The following MNAT1 variants were observed in gnomAD, a reference collection of about 807,000 sequenced individuals.
MNAT1 encodes CDK-activating kinase assembly factor MAT1.
MNAT1 carries 43 observed loss-of-function variants against 42.0 expected under a neutral mutation model. That is an observed-to-expected ratio of 1.02 (90% CI 0.80 to 1.32). MNAT1 has a LOEUF of 1.32. MNAT1 is among the 40% of genes most tolerant of loss of function. The pLI is 0.00. For synonymous variants in MNAT1, 118 were observed against 120.0 expected (o/e 0.98, Z 0.11); for missense variants, 306 against 350.4 (o/e 0.87, Z 1.01).
intron 7 of MNAT1, among the ~76,000 whole-genome samples, chr14:60,921,575 A>T (rs918620035): frequency 3.3e-5 from 5 of 152,166 alleles, no homozygotes; most frequent in Non-Finnish European, 7.4e-5. Flanking sequence ...TAAGTTAGGA[A>T]GCCACTGTTA....
intron 7 of MNAT1, among the ~76,000 whole-genome samples, chr14:60,908,968 A>C (rs988390604): frequency 6.6e-6 from 1 of 152,148 alleles, no homozygotes; most frequent in African/African-American, 2.4e-5. Context: ...ATTTCTCCAT[A>C]TCCTCTCCAG....
intron 1 of MNAT1, among the ~76,000 whole-genome samples, chr14:60,770,849 T>C (rs970183367): frequency 6.6e-6 from 1 of 152,250 alleles, no homozygotes; most frequent in Non-Finnish European, 1.5e-5. Flanking sequence ...ATATTCACAA[T>C]GTTAATGCAC....
chr14:60,938,098 G>A (rs1452292581), intron 7 of MNAT1, among the ~76,000 whole-genome samples: 1 of 152,204 alleles, frequency 6.6e-6, no homozygotes, highest in African/African-American at 2.4e-5. Context: ...CTTTGCTGAA[G>A]TTGCCTATCA....
At position 60,799,737 on chromosome 14, in the gene MNAT1, A is replaced by ATG. The variant is rs147905766; in HGVS notation, c.316+1593_316+1594dup. ...ATATACACACACACACTGCATATAT[A>ATG]TGTGTGTGTGTGTGTGTTGCTCCAA... On this transcript the variant is annotated intron_variant, in intron 3 of 7. Transcript: ENST00000261245. Among the ~76,000 whole-genome samples, 880 of 150,310 alleles carry ATG rather than the reference A, an allele frequency of 5.9e-3. 6 individuals are homozygous for ATG. Among genetic ancestry groups the ATG allele is most frequent in the South Asian group, 0.033 (156 of 4,764 alleles).
intron 7 of MNAT1, among the ~76,000 whole-genome samples, chr14:60,961,753 T>C (rs2036597113): frequency 6.6e-6 from 1 of 152,190 alleles, no homozygotes; most frequent in African/African-American, 2.4e-5. Context: ...ATTTTTTTTT[T>C]GAGAATGAAT....
At chr14:60,938,939 C>T (rs2036072276) in intron 7 of MNAT1, among the ~76,000 whole-genome samples, 1 of 152,176 alleles carries the variant, frequency 6.6e-6, no homozygotes, top group African/African-American at 2.4e-5. Flanking sequence ...AGAGATTCAA[C>T]TTCTTCCTGG....
At chr14:60,801,319 C>T (rs2032195336) in intron 3 of MNAT1, among the ~76,000 whole-genome samples, 1 of 151,740 alleles carries the variant, frequency 6.6e-6, no homozygotes, top group South Asian at 2.1e-4. Flanking sequence ...GGCCTTAGTA[C>T]CATAGACAAC....
chr14:60,818,396 A>G lies in MNAT1; in HGVS notation c.562-326A>G, dbSNP rs1440609122. On this transcript the variant is annotated intron_variant, in intron 5 of 7. Transcript: ENST00000261245. The stretch of plus-strand genomic sequence containing the variant: ...AGAATGCGTCTTAGATAAACATCTG[A>G]TCTAAGTTATAGTACTTTGTACTAC... Among the ~76,000 whole-genome samples the G allele has an allele frequency of 3.9e-5, 6 of 152,170 alleles. No homozygotes were observed. The East Asian group carries it at 9.6e-4, about 24-fold the overall frequency.
chr14:60,734,980 G>T lies in MNAT1; in HGVS notation c.89+29G>T. 6.2e-7 allele frequency: 1 copy of T among 1,607,268 alleles called. No homozygotes were observed. Among genetic ancestry groups the T allele is most frequent in the Non-Finnish European group, 8.5e-7 (1 of 1,173,776 alleles). On this transcript the variant is annotated intron_variant, in intron 1 of 7. Coordinates refer to ENST00000261245, the MANE Select transcript of MNAT1 (RefSeq NM_002431.4). This position sits in a 1 kb window ranked among gnomAD's most constrained non-coding sequence, Gnocchi z 4.3. ...AGTTGGGCGGCAGTGGATTCCCTGG[G>T]GGAGAGACGCGCTGGGTGGGAGGAG... is the stretch of plus-strand genomic sequence containing the variant.
intron 5 of MNAT1, among the ~76,000 whole-genome samples, chr14:60,814,531 G>C (rs2032652239): frequency 6.6e-6 from 1 of 151,784 alleles, no homozygotes; most frequent in Admixed American, 6.6e-5. Flanking sequence ...TTCTTGTCTA[G>C]TTGATAATGC....
At chr14:60,944,121 A>C (rs1176742374) in intron 7 of MNAT1, among the ~76,000 whole-genome samples, 1 of 152,246 alleles carries the variant, frequency 6.6e-6, no homozygotes, top group African/African-American at 2.4e-5. Flanking sequence ...GAATGTGAGC[A>C]AATCAGAATA....
intron 7 of MNAT1, among the ~76,000 whole-genome samples, chr14:60,947,013 G>A (rs2036290140): frequency 6.6e-6 from 1 of 152,108 alleles, no homozygotes; most frequent in Admixed American, 6.5e-5. Flanking sequence ...TTCTTGTAAG[G>A]GCATTAATAT....
At chr14:60,833,922 G>C (rs995222455) in intron 6 of MNAT1, among the ~76,000 whole-genome samples, 1 of 152,136 alleles carries the variant, frequency 6.6e-6, no homozygotes, top group African/African-American at 2.4e-5. Flanking sequence ...ATGTGTCCAG[G>C]AATTTATCCA....
intron 3 of MNAT1, chr14:60,799,430 G>A (rs151010149): frequency 1.0e-6 from 1 of 982,184 alleles, no homozygotes; most frequent in Non-Finnish European, 1.2e-6. Context: ...ACTAAGTATA[G>A]GACAAGCTGT....
chr14:60,831,117 T>TC, intron 6 of MNAT1, among the ~76,000 whole-genome samples: 1 of 132,394 alleles, frequency 7.6e-6, no homozygotes, highest in East Asian at 2.1e-4. Context: ...TTTTTTTTTT[T>TC]CAATACTTTT....
intron 7 of MNAT1, among the ~76,000 whole-genome samples, chr14:60,907,619 A>T (rs538185346): frequency 2.6e-5 from 4 of 151,076 alleles, no homozygotes; most frequent in Non-Finnish European, 5.9e-5. Flanking sequence ...TGTCTCTATT[A>T]AAAAAATACA....
At chr14:60,797,327 C>T (rs909726193) in intron 2 of MNAT1, among the ~76,000 whole-genome samples, 1 of 151,992 alleles carries the variant, frequency 6.6e-6, no homozygotes, top group African/African-American at 2.4e-5. Flanking sequence ...AGGTACATTA[C>T]AATATATACA....
intron 1 of MNAT1, among the ~76,000 whole-genome samples, chr14:60,748,023 C>T (rs1160581209): frequency 2.6e-5 from 4 of 151,958 alleles, no homozygotes; most frequent in South Asian, 2.1e-4. Flanking sequence ...AGTGAAACAC[C>T]GTCTCTACTG....
At chr14:60,886,828 T>C (rs2034686457) in intron 7 of MNAT1, among the ~76,000 whole-genome samples, 1 of 152,162 alleles carries the variant, frequency 6.6e-6, no homozygotes, top group African/African-American at 2.4e-5. Context: ...GGCATAATTT[T>C]ACTTCTTGAT....
Sources: gnomAD v4.1 joint callset for allele counts (sites outside exome capture counted in the v4.1 genomes callset) on GRCh38, gnomAD v4.1.1 for gene constraint, Gnocchi (gnomAD v3.1) non-coding constraint, MANE v1.5 for transcripts, NCBI Gene and HGNC (gene_info 2026-07-23, HGNC 2026-07-21) for gene names.